Variants in CCDC32 observed in about 807,000 individuals in gnomAD.
The protein encoded by CCDC32 is coiled-coil domain containing 32.
A neutral mutation model predicts 20.1 loss-of-function variants in CCDC32; 9 were observed. The ratio of observed to expected loss-of-function variants is 0.45; its 90% CI spans 0.27 to 0.78. The LOEUF (loss-of-function observed/expected upper bound fraction) is 0.78. Among genes scored for constraint, CCDC32 ranks in the 30% least tolerant of loss-of-function variants. The pLI, the probability that CCDC32 is intolerant of heterozygous loss-of-function variation, is 0.16. For synonymous variants in CCDC32, 63 were observed against 79.0 expected (o/e 0.80, Z 1.07); for missense variants, 204 against 215.5 (o/e 0.95, Z 0.33).
At chr15:40,531,734 C>T (rs1888885091), downstream of CCDC32, 2 of 152,240 alleles carry the variant, frequency 1.3e-5, no homozygotes, top group African/African-American at 4.8e-5. Context: ...CCTACCTCAG[C>T]CTTCCAAGTA....
intron 3 of CCDC32, among the ~76,000 whole-genome samples, chr15:40,544,880 C>A (rs1238731090): frequency 6.6e-6 from 1 of 152,120 alleles, no homozygotes; most frequent in Non-Finnish European, 1.5e-5. Context: ...TCACATTTAT[C>A]TGTATCATGT....
At chr15:40,557,125 C>T in intron 3 of CCDC32, 91 bp downstream of exon 3, 11 of 1,491,768 alleles carry the variant, frequency 7.4e-6, no homozygotes, top group Non-Finnish European at 9.8e-6. Flanking sequence ...GCAAAAAAGT[C>T]TGTTCTTAAA....
rs774520498 is a variant in CCDC32 at position 40,553,948 on chromosome 15, G to T, written c.*23C>A. On this transcript the variant is annotated 3_prime_UTR_variant, in exon 4 of 4. Coordinates refer to ENST00000416810, the MANE Select transcript of CCDC32 (RefSeq NM_001080792.4). ...TGTGTGTGTGTGTGTGTGTGTGTGT[G>T]TGTGTGTGTGTGTGTGTGTAATTTA... 11 of 1,404,004 alleles carry T rather than the reference G, an allele frequency of 7.8e-6. No homozygotes were observed. The highest frequency in any genetic ancestry group is 9.5e-6 in the Non-Finnish European group (10 of 1,052,314). 87.0% of individuals were successfully genotyped at this position (1,404,004 alleles called of 1,614,324 possible). A position where few individuals can be genotyped will look rare whatever the true frequency, so the allele number is the denominator to read the frequency against.
intron 2 of CCDC32, among the ~76,000 whole-genome samples, chr15:40,559,389 T>C (rs1402014383): frequency 1.3e-5 from 2 of 152,154 alleles, no homozygotes; most frequent in African/African-American, 2.4e-5. Context: ...TGCCTGACTT[T>C]CATGAAAGTT....
downstream of CCDC32, chr15:40,534,822 T>C: frequency 1.4e-6 from 1 of 695,578 alleles, no homozygotes; most frequent in African/African-American, 1.7e-5. Flanking sequence ...CACATCAGGA[T>C]TAGTGTTTCA....
In CCDC32 at chr15:40,562,780, G is replaced by A. The variant is rs1160117772; in HGVS notation, c.236C>T (p.Ala79Val). Reference protein sequence around the residue: ...APLQDSEVYLASLEKKLRRIK... With the variant: ...APLQDSEVYLVSLEKKLRRIK... ...AGAGCCGTCAAACTTACCTAGAGAT[G>A]CTAAATACACTTCTGAATCCTGCAA... Residue 79 changes from alanine to valine, a missense_variant, in exon 2 of 4, where the codon GCA becomes GTA. Coordinates refer to ENST00000416810, the MANE Select transcript of CCDC32 (RefSeq NM_001080792.4). The A allele has an allele frequency of 5.0e-6, 8 of 1,613,500 alleles. No individual in the cohort carries two copies. Among genetic ancestry groups the A allele is most frequent in the Non-Finnish European group, 6.8e-6 (8 of 1,179,772 alleles).
the CCDC32 span, among the ~76,000 whole-genome samples, chr15:40,523,193 G>A: frequency 6.6e-6 from 1 of 151,468 alleles, no homozygotes; most frequent in Admixed American, 6.6e-5. Flanking sequence ...GCCAGCTGCT[G>A]GTTATCTGTT....
the CCDC32 span, among the ~76,000 whole-genome samples, chr15:40,523,504 C>CAA: frequency 1.0e-4 from 9 of 88,482 alleles, no homozygotes; most frequent in African/African-American, 2.2e-4. Context: ...AACTCCATCT[C>CAA]AAAAAAAAAA....
At position 40,553,682 on chromosome 15, in the gene CCDC32, C is replaced by G; in HGVS notation, c.*289G>C. 1 of 1,189,946 alleles carries G rather than the reference C, an allele frequency of 8.4e-7. No homozygotes were observed. Among genetic ancestry groups the G allele is most frequent in the Admixed American group, 4.0e-5 (1 of 25,240 alleles). The allele number at this position is 1,189,946 out of a possible 1,614,324, so 73.7% of individuals were successfully genotyped here. ...CTAACCTGCAGAGACAGAGCTCAGC[C>G]AAGCTGTGAGACACAGAGGAAAGCA... On this transcript the variant is annotated 3_prime_UTR_variant, in exon 4 of 4. Coordinates refer to ENST00000416810, the MANE Select transcript of CCDC32 (RefSeq NM_001080792.4).
At chr15:40,561,599 A>G (rs1890640018) in intron 2 of CCDC32, among the ~76,000 whole-genome samples, 1 of 152,160 alleles carries the variant, frequency 6.6e-6, no homozygotes, top group African/African-American at 2.4e-5. Context: ...ATTGGGTACA[A>G]TGTCCACTAC....
downstream of CCDC32, among the ~76,000 whole-genome samples, chr15:40,533,097 G>T (rs924906212): frequency 6.6e-6 from 1 of 152,072 alleles, no homozygotes; most frequent in Non-Finnish European, 1.5e-5. Flanking sequence ...TCTGTACCAG[G>T]TGCTGCCCAC....
At chr15:40,545,669 G>A (rs1490150454) in intron 3 of CCDC32, among the ~76,000 whole-genome samples, 2 of 152,092 alleles carry the variant, frequency 1.3e-5, no homozygotes, top group South Asian at 2.1e-4. Context: ...GTGGTGTGGG[G>A]TACCAGCAGA....
At chr15:40,554,992 C>T (rs1890144078) in intron 3 of CCDC32, among the ~76,000 whole-genome samples, 1 of 152,172 alleles carries the variant, frequency 6.6e-6, no homozygotes, top group South Asian at 2.1e-4. Context: ...GCCCATTACT[C>T]CCTTGCCAAA....
At chr15:40,527,960 A>G (rs1403282689), downstream of CCDC32, among the ~76,000 whole-genome samples, 1 of 152,224 alleles carries the variant, frequency 6.6e-6, no homozygotes, top group Non-Finnish European at 1.5e-5. Context: ...TCATTCCGCT[A>G]CTACTAGTGT....
Position 40,553,262 on chromosome 15 carries a change from A to G in CCDC32, c.*709T>C. 1 of 985,462 alleles carries G rather than the reference A, an allele frequency of 1.0e-6. No homozygotes were observed. 61.0% of individuals were successfully genotyped at this position (985,462 alleles called of 1,614,324 possible). A position where few individuals can be genotyped will look rare whatever the true frequency, so the allele number is the denominator to read the frequency against. ...ACCATATTTACAAGTCTAATTTGGA[A>G]CCTGGCCCTTTTTAAGTGCAGGAGG... On this transcript the variant is annotated 3_prime_UTR_variant, in exon 4 of 4. Transcript: ENST00000416810.
downstream of CCDC32, chr15:40,535,005 C>T: frequency 1.4e-6 from 1 of 704,352 alleles, no homozygotes; most frequent in Admixed American, 2.0e-5. Flanking sequence ...CTTCCCGAGC[C>T]CATGCCTGCC....
At chr15:40,561,662 A>C (rs1396846786) in intron 2 of CCDC32, among the ~76,000 whole-genome samples, 1 of 152,050 alleles carries the variant, frequency 6.6e-6, no homozygotes, top group Non-Finnish European at 1.5e-5. Context: ...CAATTAATCC[A>C]TGTAGCCAAA....
At chr15:40,546,506 A>G (rs935850841) in intron 3 of CCDC32, among the ~76,000 whole-genome samples, 6 of 151,114 alleles carry the variant, frequency 4.0e-5, no homozygotes, top group African/African-American at 1.5e-4. Flanking sequence ...ACTTTCTCTT[A>G]GTTTCCATGT....
intron 1 of CCDC32, 45 bp from the exon 2 acceptor site, chr15:40,563,072 A>AC (rs773191316): frequency 1.9e-6 from 3 of 1,590,234 alleles, no homozygotes; most frequent in Non-Finnish European, 8.5e-7. Context: ...CTTTAAGAAT[A>AC]CAGCATAAGG....
Sources: allele counts gnomAD v4.1 joint callset (sites outside exome capture counted in the v4.1 genomes callset), GRCh38; gene constraint gnomAD v4.1.1; transcripts MANE v1.5; gene names NCBI Gene and HGNC (gene_info 2026-07-23, HGNC 2026-07-21).